DRAXIN: variants seen among roughly 807,000 people sequenced by gnomAD.
The protein encoded by DRAXIN is dorsal inhibitory axon guidance protein, also known as dorsal repulsive axon guidance protein.
Under a neutral mutation model 33.9 loss-of-function variants are expected in DRAXIN, and 27 were observed. The observed-to-expected ratio is 0.80, with a 90% CI of 0.59 to 1.10. The LOEUF (loss-of-function observed/expected upper bound fraction) is 1.10. DRAXIN is among the 50% of genes least tolerant of loss of function. The pLI is 0.00. For missense variants in DRAXIN, 371 were observed against 460.8 expected (o/e 0.81, Z 1.78); for synonymous variants, 178 against 194.0 (o/e 0.92, Z 0.69).
chr1:11,714,994 GC>G, intron 5 of DRAXIN, 124 bp from the exon 6 acceptor site: 1 of 1,096,058 alleles, frequency 9.1e-7, no homozygotes, highest in Middle Eastern at 2.7e-4. Flanking sequence ...ACACCAGATG[GC>G]CCACCCCGCC....
intron 6 of DRAXIN, among the ~76,000 whole-genome samples, chr1:11,716,281 G>A (rs1641576455): frequency 6.6e-6 from 1 of 152,198 alleles, no homozygotes; most frequent in African/African-American, 2.4e-5. Flanking sequence ...CGGCCAATCT[G>A]TGTCTATCAT....
rs1449319135 is a variant in DRAXIN, at chr1:11,719,745, G to A, written c.*49G>A. 2.6e-6 allele frequency: 4 copies of A among 1,541,902 alleles called. No individual in the cohort carries two copies. The highest frequency in any genetic ancestry group is 3.6e-6 in the Non-Finnish European group (4 of 1,121,830). ...AGCCCAGGAGGTTTGCACAAGCCGG[G>A]CGATTTGTTTGTAACTAGCAGTGGG... On this transcript the variant is annotated 3_prime_UTR_variant, in exon 7 of 7. Transcript: ENST00000294485.
Position 11,722,828 on chromosome 1 carries a change from CCTTTTTT to C in DRAXIN, c.*3133_*3139del, listed in dbSNP as rs1192243487. On this transcript the variant is annotated 3_prime_UTR_variant, in exon 7 of 7. Transcript: ENST00000294485. The stretch of plus-strand genomic sequence containing the variant: ...TGTCACAAAATATTATTCTCTCTTT[CCTTTTTT>C]TTTTTTTTGGAGATGGAGTTTTGCT... 7.2e-6 allele frequency: 1 copy of C among 138,810 alleles called. No individual in the cohort carries two copies. The highest frequency in any genetic ancestry group is 7.3e-5 in the Admixed American group (1 of 13,782). 8.6% of individuals were successfully genotyped at this position (138,810 alleles called of 1,614,324 possible).
In DRAXIN at chr1:11,717,854, G is replaced by T. The variant is rs1211338565; in HGVS notation, c.938-1730G>T. On this transcript the variant is annotated intron_variant, in intron 6 of 6. Transcript: ENST00000294485. ...AAAAAAAAAAAAAAAAATTAGCCGG[G>T]TGTGGTGGCGCACACCCATAGTACC... 6.6e-5 allele frequency among the ~76,000 whole-genome samples: 10 copies of T among 150,994 alleles called. No individual in the cohort carries two copies. In the South Asian group the frequency reaches 1.9e-3, roughly 28 times the overall value.
rs1420626620 is a variant in DRAXIN, at chr1:11,724,426, G to A, written c.*4730G>A. On this transcript the variant is annotated 3_prime_UTR_variant, in exon 7 of 7. Coordinates refer to ENST00000294485, the MANE Select transcript of DRAXIN (RefSeq NM_198545.4). ...TCCGTAGTTTGTCTGGAGACACCAAGAGTGGTTTCCATGCCTGCTGGGAAT... is the reference window on the plus strand; with the variant it reads ...TCCGTAGTTTGTCTGGAGACACCAAAAGTGGTTTCCATGCCTGCTGGGAAT... 6.6e-6 allele frequency: 1 copy of A among 152,352 alleles called. No individual in the cohort carries two copies. The highest frequency in any genetic ancestry group is 2.4e-5 in the African/African-American group (1 of 41,484). 9.4% of individuals were successfully genotyped at this position (152,352 alleles called of 1,614,324 possible).
At position 11,706,304 on chromosome 1, in the gene DRAXIN, C is replaced by T. The variant is rs1332199281; in HGVS notation, c.46C>T (p.Leu16Phe). 2.5e-6 allele frequency: 4 copies of T among 1,612,968 alleles called. No homozygotes were observed. In the Middle Eastern group the frequency reaches 6.6e-4, roughly 267 times the overall value. ...IHTAPMLFLVLLLPLELSLAG... is the reference protein window; with the variant it reads ...IHTAPMLFLVFLLPLELSLAG... The stretch of plus-strand genomic sequence containing the variant: ...CACCGCTCCCATGCTGTTCCTCGTC[C>T]TCCTGCTGCCCCTGGAGCTGAGCCT... Residue 16 changes from leucine (L) to phenylalanine (F), a missense_variant, in exon 2 of 7, where the codon CTC (leucine) becomes TTC (phenylalanine). Physicochemically the swap from Leu to Phe is conservative, Grantham distance 22 (BLOSUM62 0). Transcript: ENST00000294485. The surrounding 1 kb of genome is among the most constrained non-coding windows in gnomAD (Gnocchi z 5.5).
In DRAXIN at chr1:11,715,115, G is replaced by A. The variant is rs1471501100; in HGVS notation, c.848-4G>A. ...CTGACTGCGTGTGCTCTCTGTGTTG[G>A]CAGGGACTTGCTGCGACCTGCGGGA... On this transcript the variant is annotated splice_polypyrimidine_tract_variant and splice_region_variant and intron_variant, in intron 5 of 6. Transcript: ENST00000294485. 1.2e-6 allele frequency: 2 copies of A among 1,614,100 alleles called. No individual in the cohort carries two copies. The highest frequency in any genetic ancestry group is 1.7e-5 in the Admixed American group (1 of 60,012).
Position 11,725,553 on chromosome 1 carries a change from G to A in DRAXIN, c.*5857G>A, listed in dbSNP as rs1641733713. 6.6e-6 allele frequency: 1 copy of A among 152,232 alleles called. No homozygotes were observed. Among genetic ancestry groups the A allele is most frequent in the East Asian group, 1.9e-4 (1 of 5,192 alleles). 9.4% of individuals were successfully genotyped at this position (152,232 alleles called of 1,614,324 possible). On this transcript the variant is annotated 3_prime_UTR_variant, in exon 7 of 7. Transcript: ENST00000294485. ...TCGGGCTATTTGTATTCAGGTGTGA[G>A]CTGGCAAATCCGAGACCTGTTTTGC...
intron 1 of DRAXIN, among the ~76,000 whole-genome samples, chr1:11,703,456 C>A (rs1641329508): frequency 6.6e-6 from 1 of 152,114 alleles, no homozygotes; most frequent in Non-Finnish European, 1.5e-5. Flanking sequence ...GCCCAGGGAG[C>A]AGTCTCTGTT....
At chr1:11,707,485 A>G (rs1396065400) in intron 2 of DRAXIN, among the ~76,000 whole-genome samples, 1 of 152,180 alleles carries the variant, frequency 6.6e-6, no homozygotes. Flanking sequence ...TCTGTAAAGC[A>G]AGGAGACTGG....
At chr1:11,699,977 A>G (rs904576993) in intron 1 of DRAXIN, among the ~76,000 whole-genome samples, 2 of 150,144 alleles carry the variant, frequency 1.3e-5, no homozygotes, top group African/African-American at 2.5e-5. Flanking sequence ...AGTAGCTCAC[A>G]CCTGTAATCC....
intron 1 of DRAXIN, among the ~76,000 whole-genome samples, chr1:11,697,383 C>T (rs1428256778): frequency 6.6e-6 from 1 of 152,250 alleles, no homozygotes; most frequent in Non-Finnish European, 1.5e-5. Flanking sequence ...CCTCCCAAGG[C>T]CAGAGTTGTG....
chr1:11,701,186 G>A (rs1257986557), intron 1 of DRAXIN, among the ~76,000 whole-genome samples: 1 of 152,168 alleles, frequency 6.6e-6, no homozygotes, highest in Non-Finnish European at 1.5e-5. Flanking sequence ...CAAGGAGGAA[G>A]ATGCCTCTCA....
chr1:11,710,734 G>GA (rs1300944016), intron 3 of DRAXIN, among the ~76,000 whole-genome samples: 94 of 138,382 alleles, frequency 6.8e-4, no homozygotes, highest in Non-Finnish European at 2.5e-4. Flanking sequence ...CTAACATGGT[G>GA]AAACCCCATC....
chr1:11,716,120 TG>T (rs1456337993), intron 6 of DRAXIN, among the ~76,000 whole-genome samples: 1 of 152,234 alleles, frequency 6.6e-6, no homozygotes, highest in Admixed American at 6.5e-5. Flanking sequence ...CCACCTGTCT[TG>T]GCCTCCCAAA....
intron 2 of DRAXIN, among the ~76,000 whole-genome samples, chr1:11,707,975 G>T (rs931373037): frequency 3.3e-5 from 5 of 152,218 alleles, no homozygotes; most frequent in Non-Finnish European, 7.3e-5. Flanking sequence ...TGGCAGGAAG[G>T]CAATGGAGCT....
At chr1:11,703,231 T>G (rs1171880454) in intron 1 of DRAXIN, among the ~76,000 whole-genome samples, 1 of 152,190 alleles carries the variant, frequency 6.6e-6, no homozygotes, top group African/African-American at 2.4e-5. Flanking sequence ...CACGAGGTCT[T>G]CAAGAGCAGG....
intron 5 of DRAXIN, among the ~76,000 whole-genome samples, 155 bp downstream of exon 5, chr1:11,712,584 G>A (rs1382041226): frequency 6.6e-6 from 1 of 152,184 alleles, no homozygotes; most frequent in Admixed American, 6.6e-5. Flanking sequence ...GAGAGTTGCT[G>A]TCAGACATCC....
chr1:11,715,675 T>C (rs1641565834), intron 6 of DRAXIN, among the ~76,000 whole-genome samples: 1 of 152,178 alleles, frequency 6.6e-6, no homozygotes, highest in African/African-American at 2.4e-5. Context: ...CTTGCCCAGC[T>C]GCCTCTTCAA....
Sources: gnomAD v4.1 joint callset for allele counts (sites outside exome capture counted in the v4.1 genomes callset) on GRCh38, gnomAD v4.1.1 for gene constraint, Gnocchi (gnomAD v3.1) non-coding constraint, MANE v1.5 for transcripts, NCBI Gene and HGNC (gene_info 2026-07-23, HGNC 2026-07-21) for gene names.